SERINC2: variants seen among roughly 807,000 people sequenced by gnomAD.
The protein encoded by SERINC2 is serine incorporator 2.
SERINC2 carries 56 observed loss-of-function variants against 54.2 expected under a neutral mutation model. The ratio of observed to expected loss-of-function variants is 1.03; its 90% CI spans 0.83 to 1.29. The LOEUF is 1.29. Ranked by LOEUF, SERINC2 falls within the 50% of genes most tolerant of loss-of-function variation. The pLI is 0.00. For missense variants in SERINC2, 614 were observed against 607.4 expected (o/e 1.01, Z -0.12); for synonymous variants, 272 against 253.1 (o/e 1.07, Z -0.71).
chr1:31,434,350 T>A lies in SERINC2; in HGVS notation c.*151T>A. 1.3e-6 allele frequency: 1 copy of A among 746,752 alleles called. No homozygotes were observed. The highest frequency in any genetic ancestry group is 2.2e-6 in the Non-Finnish European group (1 of 460,824). The allele number at this position is 746,752 out of a possible 1,614,324, so 46.3% of individuals were successfully genotyped here. A position where few individuals can be genotyped will look rare whatever the true frequency, so the allele number is the denominator to read the frequency against. ...GGACCTGCCCCTGAGCCGGGCCTTC[T>A]AGTCGTAGTGCCTTCAGGGTCCGAG... On this transcript the variant is annotated 3_prime_UTR_variant, in exon 10 of 10. Coordinates refer to ENST00000373709, the MANE Select transcript of SERINC2 (RefSeq NM_178865.5).
intron 1 of SERINC2, among the ~76,000 whole-genome samples, chr1:31,416,402 A>G (rs1408239313): frequency 1.3e-5 from 2 of 152,216 alleles, no homozygotes; most frequent in Middle Eastern, 3.2e-3. Flanking sequence ...ACTGAGTCCC[A>G]TGGAGGGGAG....
At chr1:31,432,573 A>G (rs1420441090) in intron 8 of SERINC2, among the ~76,000 whole-genome samples, 1 of 152,180 alleles carries the variant, frequency 6.6e-6, no homozygotes, top group African/African-American at 2.4e-5. Context: ...GGTACTTTGT[A>G]GTATTAGGTA....
At chr1:31,432,849 T>G (rs1233646784) in intron 8 of SERINC2, 118 bp from the exon 9 acceptor site, 1 of 738,802 alleles carries the variant, frequency 1.4e-6, no homozygotes, top group Non-Finnish European at 2.2e-6. Context: ...AAGCAGTTTG[T>G]TAACTCCCAG....
At chr1:31,422,037 G>T (rs142079068) in intron 1 of SERINC2, among the ~76,000 whole-genome samples, 1 of 152,032 alleles carries the variant, frequency 6.6e-6, no homozygotes, top group Non-Finnish European at 1.5e-5. Flanking sequence ...AGTGGCTCAC[G>T]CCTGTAATCC....
chr1:31,412,151 C>T (rs1376474131), upstream of SERINC2, among the ~76,000 whole-genome samples: 2 of 152,156 alleles, frequency 1.3e-5, no homozygotes, highest in Non-Finnish European at 2.9e-5. Context: ...ATGCAGTCAA[C>T]CAGCTCTTTG....
chr1:31,425,036 T>A (rs188753404), intron 3 of SERINC2, among the ~76,000 whole-genome samples, 163 bp downstream of exon 3: 22 of 152,168 alleles, frequency 1.4e-4, no homozygotes, highest in Admixed American at 1.4e-3. Flanking sequence ...AGATGAAGAG[T>A]AAGGCTCAGA....
At chr1:31,413,205 C>A, upstream of SERINC2, 1 of 1,067,522 alleles carries the variant, frequency 9.4e-7, no homozygotes, top group Non-Finnish European at 1.1e-6. The surrounding 1 kb of genome is among the most constrained non-coding windows in gnomAD (Gnocchi z 5.0). Flanking sequence ...GCCCGGCACC[C>A]GGATCCCGAG....
chr1:31,420,386 C>T (rs1640877396), intron 1 of SERINC2, among the ~76,000 whole-genome samples: 1 of 152,144 alleles, frequency 6.6e-6, no homozygotes. Flanking sequence ...TCTCTGAAAG[C>T]GGAACAGCTT....
At position 31,413,436 on chromosome 1, in the gene SERINC2, C is replaced by T. The variant is rs1372642295; in HGVS notation, c.39+132C>T. 7.2e-6 allele frequency: 3 copies of T among 415,190 alleles called. No homozygotes were observed. The highest frequency in any genetic ancestry group is 1.1e-5 in the Non-Finnish European group (3 of 262,452). The allele number at this position is 415,190 out of a possible 1,614,324, so 25.7% of individuals were successfully genotyped here. A position where few individuals can be genotyped will look rare whatever the true frequency, so the allele number is the denominator to read the frequency against. On this transcript the variant is annotated intron_variant, in intron 1 of 9. Transcript: ENST00000373709. The surrounding 1 kb of genome is among the most constrained non-coding windows in gnomAD (Gnocchi z 5.0). Reference sequence around the variant, plus strand: ...AACTTGTCTTTCTGGGCCGGTGCCCCGCCTGCTCGCCCTCCTGGACCTTCA... The same window carrying T: ...AACTTGTCTTTCTGGGCCGGTGCCCTGCCTGCTCGCCCTCCTGGACCTTCA...
At chr1:31,432,725 G>A (rs570024421) in intron 8 of SERINC2, among the ~76,000 whole-genome samples, 1 of 152,254 alleles carries the variant, frequency 6.6e-6, no homozygotes, top group African/African-American at 2.4e-5. Context: ...CTCTAGAGGA[G>A]GTACGATTAT....
In SERINC2 at chr1:31,425,800, G is replaced by A. The variant is rs1012355225; in HGVS notation, c.497G>A (p.Gly166Asp). The change falls in exon 5 of 10, where the codon GGC becomes GAC. Residue 166 changes from glycine to aspartate, a missense_variant. Gly to Asp is a moderately conservative substitution (Grantham distance 94, BLOSUM62 -1). Coordinates refer to ENST00000373709, the MANE Select transcript of SERINC2 (RefSeq NM_178865.5). The part of the protein sequence containing the change: ...TNIWFYFGVV[G>D]SFLFILIQLV... ...GTCTGGTTCTACTTCGGCGTCGTGG[G>A]CTCCTTCCTCTTCATCCTCATCCAG... 6.2e-7 allele frequency: 1 copy of A among 1,613,448 alleles called. No individual in the cohort carries two copies.
intron 8 of SERINC2, among the ~76,000 whole-genome samples, chr1:31,432,010 G>C (rs1553134648): frequency 2.0e-5 from 3 of 147,178 alleles, no homozygotes; most frequent in African/African-American, 5.1e-5. Context: ...GGATAGGGTG[G>C]ATAGGGTGGA....
chr1:31,433,254 G>A lies in SERINC2; in HGVS notation c.1232+69G>A. 4.5e-6 allele frequency: 6 copies of A among 1,344,842 alleles called. No individual in the cohort carries two copies. In the South Asian group the frequency reaches 7.2e-5, roughly 16 times the overall value. The allele number at this position is 1,344,842 out of a possible 1,614,324, so 83.3% of individuals were successfully genotyped here. A position where few individuals can be genotyped will look rare whatever the true frequency, so the allele number is the denominator to read the frequency against. On this transcript the variant is annotated intron_variant, in intron 9 of 9. Coordinates refer to ENST00000373709, the MANE Select transcript of SERINC2 (RefSeq NM_178865.5). ...TGCAGGTCCACACATCTCTCCTGCGGCCCTTCACTGGGTTTTCCTGATGTC... is the reference window on the plus strand; with the variant it reads ...TGCAGGTCCACACATCTCTCCTGCGACCCTTCACTGGGTTTTCCTGATGTC...
chr1:31,411,898 G>A (rs575906774), upstream of SERINC2, among the ~76,000 whole-genome samples: 2 of 151,430 alleles, frequency 1.3e-5, no homozygotes, highest in African/African-American at 4.8e-5. Context: ...CTACTTGGGA[G>A]GCTGAGGTGG....
At chr1:31,428,636 C>T (rs945403083) in intron 6 of SERINC2, among the ~76,000 whole-genome samples, 7 of 151,960 alleles carry the variant, frequency 4.6e-5, no homozygotes, top group Non-Finnish European at 1.0e-4. Context: ...CGGCAAAGGC[C>T]TTGTGGTGGG....
intron 7 of SERINC2, 114 bp downstream of exon 7, chr1:31,429,182 C>T: frequency 1.9e-6 from 2 of 1,079,762 alleles, no homozygotes; most frequent in Non-Finnish European, 2.8e-6. Context: ...CCAGCCCATT[C>T]TGAGACTCAG....
intron 3 of SERINC2, 68 bp from the exon 4 acceptor site, chr1:31,425,262 C>G: frequency 8.4e-7 from 1 of 1,191,042 alleles, no homozygotes; most frequent in Admixed American, 1.7e-5. Context: ...TGGGGCCAGG[C>G]CCAGTCTGGC....
At chr1:31,426,624 G>A (rs1641048227) in intron 5 of SERINC2, 30 bp from the exon 6 acceptor site, 2 of 1,576,444 alleles carry the variant, frequency 1.3e-6, no homozygotes, top group Non-Finnish European at 1.7e-6. Context: ...CCCACCCACT[G>A]CCTACCCTCT....
intron 8 of SERINC2, among the ~76,000 whole-genome samples, chr1:31,430,511 G>T (rs1414965221): frequency 6.6e-6 from 1 of 150,886 alleles, no homozygotes; most frequent in Non-Finnish European, 1.5e-5. Flanking sequence ...AAAAAAAAAA[G>T]GTTTTGTAAT....
Sources: gnomAD v4.1 joint callset for allele counts (sites outside exome capture counted in the v4.1 genomes callset) on GRCh38, gnomAD v4.1.1 for gene constraint, Gnocchi (gnomAD v3.1) non-coding constraint, MANE v1.5 for transcripts, NCBI Gene and HGNC (gene_info 2026-07-23, HGNC 2026-07-21) for gene names.